CHN1: variants seen among roughly 807,000 people sequenced by gnomAD.
CHN1 encodes the protein N-chimaerin.
Under a neutral mutation model 59.5 loss-of-function variants are expected in CHN1, and 37 were observed. The ratio of observed to expected loss-of-function variants is 0.62; its 90% CI spans 0.48 to 0.82. The LOEUF (loss-of-function observed/expected upper bound fraction) is 0.82. CHN1 is among the 40% of genes least tolerant of loss of function. The pLI is 0.00. For synonymous variants in CHN1, 206 were observed against 200.4 expected, an observed-to-expected ratio of 1.03 and a Z score of -0.24; for missense variants, 469 against 571.0, an observed-to-expected ratio of 0.82 and a Z score of 1.82.
intron 6 of CHN1, among the ~76,000 whole-genome samples, chr2:174,861,054 A>T (rs7574587): frequency 0.041 from 6,313 of 152,240 alleles, 468 homozygotes; most frequent in African/African-American, 0.14. Flanking sequence ...TTTTAAATTT[A>T]AAAATTTAAA....
intron 8 of CHN1, among the ~76,000 whole-genome samples, chr2:174,817,917 A>G (rs539581074): frequency 3.9e-4 from 59 of 152,094 alleles, no homozygotes; most frequent in Admixed American, 2.7e-3. Context: ...GATTACAGGC[A>G]TGAGCCATCG....
At chr2:174,868,941 G>A (rs1687313812) in intron 6 of CHN1, among the ~76,000 whole-genome samples, 1 of 152,190 alleles carries the variant, frequency 6.6e-6, no homozygotes, top group Non-Finnish European at 1.5e-5. Context: ...GTGGTACCTG[G>A]TACCATGAGG....
chr2:174,877,740 T>C, intron 6 of CHN1, 100 bp downstream of exon 6: 1 of 1,036,522 alleles, frequency 9.6e-7, no homozygotes, highest in Non-Finnish European at 1.4e-6. Flanking sequence ...GAATATACTT[T>C]CCAAAGCACT....
intron 1 of CHN1, among the ~76,000 whole-genome samples, chr2:174,976,100 TG>T (rs1405033203): frequency 9.8e-6 from 1 of 102,280 alleles, no homozygotes; most frequent in African/African-American, 3.9e-5. Context: ...CTCTGTAGCC[TG>T]GGCCAACAGG....
At chr2:174,890,246 T>G (rs928964077) in intron 5 of CHN1, among the ~76,000 whole-genome samples, 13 of 152,000 alleles carry the variant, frequency 8.6e-5, no homozygotes, top group African/African-American at 2.9e-4. Flanking sequence ...ACCATGCAAA[T>G]GGTAACCAAA....
At chr2:174,874,855 TTTA>T (rs1192307934) in intron 6 of CHN1, among the ~76,000 whole-genome samples, 18 of 145,738 alleles carry the variant, frequency 1.2e-4, no homozygotes, top group Non-Finnish European at 2.4e-4. Flanking sequence ...CAGACTTTTA[TTTA>T]TTTTTTATTT....
chr2:174,852,503 C>T (rs1686767572), intron 6 of CHN1, among the ~76,000 whole-genome samples: 1 of 152,014 alleles, frequency 6.6e-6, no homozygotes, highest in Admixed American at 6.6e-5. Flanking sequence ...GGCCATAATG[C>T]CCAAAGCAAT....
chr2:174,954,155 T>C (rs1318042899), intron 1 of CHN1, among the ~76,000 whole-genome samples: 1 of 152,152 alleles, frequency 6.6e-6, no homozygotes, highest in Non-Finnish European at 1.5e-5. Context: ...TACAGCCAAC[T>C]GACCTTCAAC....
chr2:174,992,464 C>T (rs770228739), intron 1 of CHN1, among the ~76,000 whole-genome samples: 1 of 152,168 alleles, frequency 6.6e-6, no homozygotes, highest in African/African-American at 2.4e-5. Context: ...AAAGGAATAG[C>T]GGCAGAAAAC....
chr2:174,832,576 T>C (rs1173688744), intron 7 of CHN1, among the ~76,000 whole-genome samples: 1 of 152,148 alleles, frequency 6.6e-6, no homozygotes, highest in Non-Finnish European at 1.5e-5. Context: ...CATGAGTTAT[T>C]TAGCAGTATG....
chr2:174,834,653 TC>T (rs962797602), intron 7 of CHN1, among the ~76,000 whole-genome samples: 1 of 151,998 alleles, frequency 6.6e-6, no homozygotes, highest in Non-Finnish European at 1.5e-5. Flanking sequence ...GTAATGTGCA[TC>T]CCCCCAACTG....
In CHN1 at chr2:174,952,224, T is replaced by C. The variant is rs935363513; in HGVS notation, c.20-22A>G. 1.4e-5 allele frequency: 19 copies of C among 1,312,828 alleles called. No homozygotes were observed. In the Admixed American group the frequency reaches 1.6e-4, roughly 11 times the overall value. 81.3% of individuals were successfully genotyped at this position (1,312,828 alleles called of 1,614,324 possible). A position where few individuals can be genotyped will look rare whatever the true frequency, so the allele number is the denominator to read the frequency against. On this transcript the variant is annotated intron_variant, in intron 1 of 12. Transcript: ENST00000409900. ...GTATCTGAAAGAAAAAACATCAAATTAACATTACTGAATATTTAAATTTTA... is the reference window on the plus strand; with the variant it reads ...GTATCTGAAAGAAAAAACATCAAATCAACATTACTGAATATTTAAATTTTA...
At chr2:174,893,218 A>T (rs993177787) in intron 5 of CHN1, among the ~76,000 whole-genome samples, 1 of 152,160 alleles carries the variant, frequency 6.6e-6, no homozygotes, top group Non-Finnish European at 1.5e-5. Flanking sequence ...TATGTAGAAA[A>T]CCTTAAAGAC....
At chr2:175,004,824 C>G (rs1211395615) in intron 1 of CHN1, 70 bp downstream of exon 1, 15 of 1,127,250 alleles carry the variant, frequency 1.3e-5, no homozygotes, top group Non-Finnish European at 2.2e-6. Context: ...GCCCAGGCCC[C>G]CCAGGCCCCC....
Position 174,800,193 on chromosome 2 carries a change from T to C in CHN1, c.1303A>G (p.Met435Val), listed in dbSNP as rs373328074. 22 of 1,528,494 alleles carry C rather than the reference T, an allele frequency of 1.4e-5. No individual in the cohort carries two copies. Among genetic ancestry groups the C allele is most frequent in the Non-Finnish European group, 1.8e-5 (21 of 1,142,940 alleles). The allele number at this position is 1,528,494 out of a possible 1,614,324, so 94.7% of individuals were successfully genotyped here. Residue 435 changes from methionine (M) to valine (V), a missense_variant, in exon 13 of 13, where the codon ATG (methionine) becomes GTG (valine). Met to Val is a conservative substitution (Grantham distance 21). Coordinates refer to ENST00000409900, the MANE Select transcript of CHN1 (RefSeq NM_001822.7). ...TLMRSPELDA[M>V]AALNDIRYQR... ...TACCGTATATCATTCAATGCAGCCATGGCGTCTAGTTCTGGAGATCTCATA... is the reference window on the plus strand; with the variant it reads ...TACCGTATATCATTCAATGCAGCCACGGCGTCTAGTTCTGGAGATCTCATA...
intron 1 of CHN1, among the ~76,000 whole-genome samples, chr2:174,970,683 A>C (rs556345920): frequency 2.0e-5 from 3 of 152,354 alleles, no homozygotes; most frequent in East Asian, 3.9e-4. Context: ...AGATCCAGTC[A>C]AATACAAGAT....
intron 7 of CHN1, among the ~76,000 whole-genome samples, chr2:174,846,039 C>T (rs1174605667): frequency 2.6e-5 from 4 of 152,092 alleles, no homozygotes; most frequent in Admixed American, 6.5e-5. Context: ...TCTCAAGAAC[C>T]GCATCACAAA....
chr2:175,003,034 A>G lies in CHN1; in HGVS notation c.19+1860T>C, dbSNP rs539126467. Among the ~76,000 whole-genome samples, 6 of 152,332 alleles carry G rather than the reference A, an allele frequency of 3.9e-5. No homozygotes were observed. The South Asian group carries it at 1.2e-3, about 32-fold the overall frequency. On this transcript the variant is annotated intron_variant, in intron 1 of 12. Coordinates refer to ENST00000409900, the MANE Select transcript of CHN1 (RefSeq NM_001822.7). ...CAACAGTTCTCAAACTTGAGTGAGCATAAGAATCACAAAGGGAGTCACTTT... is the reference window on the plus strand; with the variant it reads ...CAACAGTTCTCAAACTTGAGTGAGCGTAAGAATCACAAAGGGAGTCACTTT...
At chr2:174,881,839 CG>C (rs1558965449) in intron 5 of CHN1, among the ~76,000 whole-genome samples, 1 of 152,070 alleles carries the variant, frequency 6.6e-6, no homozygotes, top group African/African-American at 2.4e-5. Flanking sequence ...GAGTGCAAAT[CG>C]GGTAGGAGGA....
Sources: gnomAD v4.1 joint callset for allele counts (sites outside exome capture counted in the v4.1 genomes callset) on GRCh38, gnomAD v4.1.1 for gene constraint, MANE v1.5 for transcripts, NCBI Gene and HGNC (gene_info 2026-07-23, HGNC 2026-07-21) for gene names.